Variants in SIL1 observed in about 807,000 individuals in gnomAD.
The protein encoded by SIL1 is nucleotide exchange factor SIL1.
A neutral mutation model predicts 49.1 loss-of-function variants in SIL1; 40 were observed. That is an observed-to-expected ratio of 0.81 (90% confidence interval 0.63 to 1.06). SIL1 has a LOEUF of 1.06. SIL1 is among the 50% of genes least tolerant of loss of function. The pLI is 0.00. For synonymous variants in SIL1, 253 were observed against 250.8 expected, an observed-to-expected ratio of 1.01 and a Z score of -0.08; for missense variants, 500 against 572.6, an observed-to-expected ratio of 0.87 and a Z score of 1.29.
chr5:139,013,550 T>C (rs1768331683), intron 7 of SIL1: 1 of 150,718 alleles, frequency 6.6e-6, no homozygotes, highest in African/African-American at 2.5e-5. Flanking sequence ...TCCATTATAT[T>C]TGCTTTAGAA....
intron 1 of SIL1, 140 bp downstream of exon 1, chr5:139,198,129 G>C (rs1394325133): frequency 1.3e-5 from 2 of 152,400 alleles, no homozygotes; most frequent in Non-Finnish European, 2.9e-5. Flanking sequence ...TGGACGTCCC[G>C]CTTTGGAGAC....
chr5:139,130,162 C>T (rs6895690), intron 1 of SIL1, among the ~76,000 whole-genome samples: 75,401 of 151,904 alleles, frequency 0.5, 19,744 homozygotes, highest in African/African-American at 0.67. Flanking sequence ...TGTGCACCTA[C>T]AGTCCCAGCT....
chr5:139,154,505 C>G (rs1751370094), intron 1 of SIL1, among the ~76,000 whole-genome samples: 1 of 152,236 alleles, frequency 6.6e-6, no homozygotes, highest in South Asian at 2.1e-4. Context: ...AGAGCCATGT[C>G]TTCCACAATG....
rs142943842 is a variant in SIL1 at position 138,947,272 on chromosome 5, G to C, written c.1231C>G (p.Arg411Gly). The change falls in exon 10 of 10, where the codon CGC (arginine) becomes GGC (glycine). Residue 411 changes from arginine (R) to glycine (G), a missense_variant. Physicochemically the swap from Arg to Gly is moderately radical, Grantham distance 125. Transcript: ENST00000394817. This position sits in a 1 kb window ranked among gnomAD's most constrained non-coding sequence, Gnocchi z 4.1. ...CCGAGCTGGGGGTCCTGACGGTAGC[G>C]GTCCCGGCAGGTGGTCAGGAGGACG... ...LGVLLTTCRD[R>G]YRQDPQLGRT... 14 of 1,613,478 alleles carry C rather than the reference G, an allele frequency of 8.7e-6. No homozygotes were observed. Among genetic ancestry groups the C allele is most frequent in the Admixed American group, 6.7e-5 (4 of 60,008 alleles).
At chr5:139,079,860 C>T (rs1328477170) in intron 3 of SIL1, among the ~76,000 whole-genome samples, 1 of 152,210 alleles carries the variant, frequency 6.6e-6, no homozygotes, top group Non-Finnish European at 1.5e-5. Flanking sequence ...ACTGGCTACA[C>T]CAACATTTTA....
At chr5:139,097,257 C>G (rs1216158391) in intron 3 of SIL1, among the ~76,000 whole-genome samples, 1 of 151,926 alleles carries the variant, frequency 6.6e-6, no homozygotes, top group Non-Finnish European at 1.5e-5. Context: ...GAATGATGTC[C>G]CACATAGCAC....
intron 1 of SIL1, among the ~76,000 whole-genome samples, chr5:139,151,271 C>T (rs981215286): frequency 6.6e-6 from 1 of 152,100 alleles, no homozygotes; most frequent in Non-Finnish European, 1.5e-5. Flanking sequence ...AAAAAGAAGA[C>T]CCTGCTCAAA....
chr5:138,962,901 A>G (rs939842898), intron 7 of SIL1, among the ~76,000 whole-genome samples: 1 of 152,234 alleles, frequency 6.6e-6, no homozygotes, highest in Non-Finnish European at 1.5e-5. Context: ...ACATGGAAGA[A>G]AGCGGGCTAA....
rs866354061 is a variant in SIL1, at chr5:139,112,104, C to T, written c.244+8931G>A. Among the ~76,000 whole-genome samples the T allele has an allele frequency of 1.3e-3, 199 of 152,364 alleles. 2 individuals are homozygous for T. Among genetic ancestry groups the T allele is most frequent in the African/African-American group, 4.5e-3 (186 of 41,592 alleles). On this transcript the variant is annotated intron_variant, in intron 3 of 9. Transcript: ENST00000394817. ...GCGAGTGATCCGCCAGCCTCGGCCT[C>T]CCGAGGTGCCGGGATTGCAGACGGA...
intron 1 of SIL1, among the ~76,000 whole-genome samples, chr5:139,135,358 G>A (rs1054657760): frequency 6.6e-6 from 1 of 152,178 alleles, no homozygotes; most frequent in African/African-American, 2.4e-5. Flanking sequence ...GTTATTAGAG[G>A]AGGCTGTTGG....
In SIL1 at chr5:139,042,731, A is replaced by T; in HGVS notation, c.354-12T>A. 1 of 1,612,936 alleles carries T rather than the reference A, an allele frequency of 6.2e-7. No homozygotes were observed. The highest frequency in any genetic ancestry group is 8.5e-7 in the Non-Finnish European group (1 of 1,178,948). On this transcript the variant is annotated splice_polypyrimidine_tract_variant and intron_variant, in intron 4 of 9. Transcript: ENST00000394817. Reference sequence around the variant, plus strand: ...TGTTGATATCCAGCCTGTCCAAAGAAAACTGAGAGTAAAGAGGGAGGCATG... The same window carrying T: ...TGTTGATATCCAGCCTGTCCAAAGATAACTGAGAGTAAAGAGGGAGGCATG...
rs371889954 is a variant in SIL1 at position 138,950,785 on chromosome 5, G to A, written c.1029+386C>T. On this transcript the variant is annotated intron_variant, in intron 9 of 9. Transcript: ENST00000394817. ...AAGCTCACAGAGGAGGCACCTCCAC[G>A]TTTCTAGAATCCGAAGAGTGAGTGC... Among the ~76,000 whole-genome samples the A allele has an allele frequency of 2.8e-4, 43 of 152,324 alleles. No individual in the cohort carries two copies. The East Asian group carries it at 6.8e-3, about 24-fold the overall frequency.
chr5:139,118,168 C>G (rs1003886022), intron 3 of SIL1, among the ~76,000 whole-genome samples: 1 of 152,236 alleles, frequency 6.6e-6, no homozygotes, highest in Non-Finnish European at 1.5e-5. Flanking sequence ...CTTACCCTTG[C>G]TCCTTGATCA....
chr5:139,158,913 AAG>A (rs1437148045), intron 1 of SIL1, among the ~76,000 whole-genome samples: 1 of 152,126 alleles, frequency 6.6e-6, no homozygotes, highest in Non-Finnish European at 1.5e-5. Flanking sequence ...ATGTAACTGA[AAG>A]GTCAACTGGT....
intron 7 of SIL1, among the ~76,000 whole-genome samples, chr5:138,974,839 G>C (rs542547929): frequency 3.3e-5 from 5 of 152,298 alleles, no homozygotes; most frequent in Admixed American, 3.3e-4. Context: ...TCTGTGCTAT[G>C]AGCTTCATGT....
At chr5:138,958,879 A>G (rs10069961) in intron 7 of SIL1, among the ~76,000 whole-genome samples, 63,248 of 151,976 alleles carry the variant, frequency 0.42, 14,104 homozygotes, top group African/African-American at 0.6. Context: ...CATTCTACCT[A>G]AAAGAAGAGG....
At chr5:139,004,787 A>C (rs1459369233) in intron 7 of SIL1, among the ~76,000 whole-genome samples, 1 of 152,002 alleles carries the variant, frequency 6.6e-6, no homozygotes, top group Non-Finnish European at 1.5e-5. Flanking sequence ...AAAAATAAAG[A>C]AAAACTGCCA....
intron 3 of SIL1, among the ~76,000 whole-genome samples, chr5:139,075,473 T>G (rs1481076767): frequency 6.6e-6 from 1 of 152,144 alleles, no homozygotes; most frequent in East Asian, 1.9e-4. Context: ...TGCCTAGTTT[T>G]TATGTCTACT....
chr5:139,098,927 C>CT (rs1249941541), intron 3 of SIL1, among the ~76,000 whole-genome samples: 1 of 148,992 alleles, frequency 6.7e-6, no homozygotes, highest in Non-Finnish European at 1.5e-5. Flanking sequence ...AGTGATTCTC[C>CT]TGTCTCAGCC....
Sources: gnomAD v4.1 joint callset for allele counts (sites outside exome capture counted in the v4.1 genomes callset) on GRCh38, gnomAD v4.1.1 for gene constraint, Gnocchi (gnomAD v3.1) non-coding constraint, MANE v1.5 for transcripts, NCBI Gene and HGNC (gene_info 2026-07-23, HGNC 2026-07-21) for gene names.